Variants in HMGCLL1 observed in about 807,000 individuals in gnomAD.
HMGCLL1 encodes the protein 3-hydroxy-3-methylglutaryl-CoA lyase like 1.
Under a neutral mutation model 39.1 loss-of-function variants are expected in HMGCLL1, and 36 were observed. That is an observed-to-expected ratio of 0.92 (90% CI 0.71 to 1.22). The LOEUF is 1.22. Among genes scored for constraint, HMGCLL1 ranks in the 50% most tolerant of loss-of-function variants. The probability of loss-of-function intolerance (pLI) is 0.00; values close to 1 mark genes in which losing one functional copy is unlikely to be tolerated. For synonymous variants in HMGCLL1, 149 were observed against 144.0 expected (o/e 1.03, Z -0.25); for missense variants, 451 against 416.5 (o/e 1.08, Z -0.72).
chr6:55,539,131 A>G (rs6459084), intron 3 of HMGCLL1, among the ~76,000 whole-genome samples: 1 of 151,878 alleles, frequency 6.6e-6, no homozygotes, highest in African/African-American at 2.4e-5. Flanking sequence ...ATAGAGGACA[A>G]GAAACAGTTA....
intron 3 of HMGCLL1, among the ~76,000 whole-genome samples, chr6:55,529,926 A>C (rs1768551543): frequency 6.6e-6 from 1 of 152,130 alleles, no homozygotes; most frequent in South Asian, 2.1e-4. Context: ...GCATAGAGAG[A>C]TGAAACTACT....
upstream of HMGCLL1, among the ~76,000 whole-genome samples, chr6:55,583,585 C>A (rs895113037): frequency 2.6e-5 from 4 of 152,050 alleles, no homozygotes; most frequent in Non-Finnish European, 4.4e-5. Context: ...TTTCTTAATC[C>A]AGTCTATCAT....
the HMGCLL1 span, among the ~76,000 whole-genome samples, chr6:55,661,867 G>A: frequency 1.3e-3 from 203 of 151,796 alleles, 1 homozygote; most frequent in African/African-American, 4.5e-3. Flanking sequence ...TTTTTCATTT[G>A]TTTATGTAAT....
chr6:55,615,272 G>GA, the HMGCLL1 span, among the ~76,000 whole-genome samples: 4 of 151,620 alleles, frequency 2.6e-5, no homozygotes, highest in South Asian at 8.3e-4. Context: ...AAAATCATAG[G>GA]AAAAAAAAGA....
chr6:55,514,290 A>C (rs1767622101), intron 4 of HMGCLL1, 94 bp from the exon 5 acceptor site: 1 of 862,114 alleles, frequency 1.2e-6, no homozygotes, highest in African/African-American at 1.7e-5. Flanking sequence ...GAAGGCATAC[A>C]TGTATTCTTT....
At chr6:55,477,317 A>ATGTATTATATT (rs1765449008) in intron 7 of HMGCLL1, among the ~76,000 whole-genome samples, 1 of 21,572 alleles carries the variant, frequency 4.6e-5, no homozygotes, top group African/African-American at 3.1e-4. Context: ...TATATATAAT[A>ATGTATTATATT]TATATTATAT....
intron 1 of HMGCLL1, among the ~76,000 whole-genome samples, chr6:55,561,726 T>C (rs1405297147): frequency 6.6e-6 from 1 of 152,214 alleles, no homozygotes. Flanking sequence ...GCAGCACATA[T>C]AAAAATTTAG....
At chr6:55,584,834 G>C in the HMGCLL1 span, among the ~76,000 whole-genome samples, 2 of 151,942 alleles carry the variant, frequency 1.3e-5, no homozygotes, top group African/African-American at 2.4e-5. Context: ...GACACATATG[G>C]TGAATCTCAA....
At chr6:55,517,030 G>A (rs548489466) in intron 3 of HMGCLL1, among the ~76,000 whole-genome samples, 1 of 152,076 alleles carries the variant, frequency 6.6e-6, no homozygotes, top group Non-Finnish European at 1.5e-5. Context: ...CAATGTTTAG[G>A]AAAATGTAAA....
chr6:55,606,304 C>T, the HMGCLL1 span, among the ~76,000 whole-genome samples: 1 of 152,048 alleles, frequency 6.6e-6, no homozygotes, highest in Non-Finnish European at 1.5e-5. Flanking sequence ...GACATATATC[C>T]ATTATTGGGA....
chr6:55,532,625 A>C (rs1768748798), intron 3 of HMGCLL1, among the ~76,000 whole-genome samples: 1 of 151,532 alleles, frequency 6.6e-6, no homozygotes, highest in South Asian at 2.1e-4. Flanking sequence ...AGATGGTGAA[A>C]CCTCGTCTGT....
At position 55,541,854 on chromosome 6, in the gene HMGCLL1, A is replaced by T. The variant is rs1769457249; in HGVS notation, c.190-18T>A. 1.4e-6 allele frequency: 2 copies of T among 1,400,618 alleles called. No homozygotes were observed. Among genetic ancestry groups the T allele is most frequent in the Non-Finnish European group, 2.0e-6 (2 of 1,001,494 alleles). 86.8% of individuals were successfully genotyped at this position (1,400,618 alleles called of 1,614,324 possible). ...ACTATAACCTATGAAAACAAAAAATATTTTATAAGTAAATTGTATAGGTCC... is the reference window on the plus strand; with the variant it reads ...ACTATAACCTATGAAAACAAAAAATTTTTTATAAGTAAATTGTATAGGTCC... On this transcript the variant is annotated intron_variant, in intron 2 of 8. Coordinates refer to ENST00000274901, the MANE Select transcript of HMGCLL1 (RefSeq NM_001042406.2).
chr6:55,582,283 A>G (rs1204777220), upstream of HMGCLL1, among the ~76,000 whole-genome samples: 3 of 152,198 alleles, frequency 2.0e-5, no homozygotes, highest in African/African-American at 7.2e-5. Flanking sequence ...AAAGTGTTCA[A>G]CATTTGGTCT....
the HMGCLL1 span, among the ~76,000 whole-genome samples, chr6:55,638,951 C>T: frequency 6.6e-6 from 1 of 152,042 alleles, no homozygotes; most frequent in East Asian, 1.9e-4. Context: ...TCTATGTGTC[C>T]TAGCAGCAGC....
At chr6:55,454,334 G>T (rs1270204733) in intron 7 of HMGCLL1, among the ~76,000 whole-genome samples, 3 of 152,134 alleles carry the variant, frequency 2.0e-5, no homozygotes, top group Non-Finnish European at 4.4e-5. Flanking sequence ...AAAGGAGACT[G>T]GTCTTGCTTT....
chr6:55,653,056 A>C, the HMGCLL1 span, among the ~76,000 whole-genome samples: 2 of 152,074 alleles, frequency 1.3e-5, no homozygotes, highest in African/African-American at 4.8e-5. Context: ...TGAAGGAAGA[A>C]CTCATGTTTA....
intron 7 of HMGCLL1, among the ~76,000 whole-genome samples, chr6:55,462,237 T>C (rs1764599419): frequency 6.6e-6 from 1 of 152,190 alleles, no homozygotes; most frequent in South Asian, 2.1e-4. Flanking sequence ...TTACTCCTCG[T>C]CTAAAATGCT....
chr6:55,602,473 G>A, the HMGCLL1 span, among the ~76,000 whole-genome samples: 1 of 151,824 alleles, frequency 6.6e-6, no homozygotes, highest in Admixed American at 6.6e-5. Context: ...AAAATCAATA[G>A]GACTAAGTTC....
intron 4 of HMGCLL1, among the ~76,000 whole-genome samples, chr6:55,516,020 T>A (rs1360215401): frequency 1.3e-5 from 2 of 151,634 alleles, no homozygotes; most frequent in Non-Finnish European, 2.9e-5. Context: ...TCACAGAGGA[T>A]CAAAAGAAAC....
Sources: allele counts gnomAD v4.1 joint callset (sites outside exome capture counted in the v4.1 genomes callset), GRCh38; gene constraint gnomAD v4.1.1; transcripts MANE v1.5; gene names NCBI Gene and HGNC (gene_info 2026-07-23, HGNC 2026-07-21).